The following GRIPAP1 variants were observed in gnomAD, a reference collection of about 807,000 sequenced individuals.
The protein encoded by GRIPAP1 is GRIP1 associated protein 1.
In GRIPAP1, 14 loss-of-function variants were observed where a neutral mutation model predicts 84.1. That is an observed-to-expected ratio of 0.17 (90% CI 0.11 to 0.26). The LOEUF is 0.26. GRIPAP1 is among the 10% of genes least tolerant of loss of function. GRIPAP1 has a pLI of 1.00. For synonymous variants in GRIPAP1, 261 were observed against 256.8 expected (o/e 1.02, Z -0.15); for missense variants, 518 against 674.2 (o/e 0.77, Z 2.57).
chrX:48,999,182 A>G, intron 3 of GRIPAP1, 56 bp downstream of exon 3: 1 of 900,720 alleles, frequency 1.1e-6, no homozygotes, highest in Non-Finnish European at 1.6e-6. Flanking sequence ...TGAATGAGTC[A>G]GATAGGTAGA....
chrX:48,975,651 G>A (rs931219597), intron 24 of GRIPAP1: 13 of 324,168 alleles, frequency 4.0e-5, no homozygotes, highest in African/African-American at 3.2e-4. Context: ...CAAAAGCAAT[G>A]AAGATACAGA....
intron 14 of GRIPAP1, among the ~76,000 whole-genome samples, chrX:48,984,572 G>A (rs377760463): frequency 5.5e-5 from 6 of 108,459 alleles, no homozygotes; most frequent in African/African-American, 2.0e-4. Flanking sequence ...AAAATTAGCT[G>A]GGCGTGGTGC....
At chrX:48,983,473 T>A (rs781879745) in intron 15 of GRIPAP1, 33 bp from the exon 16 acceptor site, 29 of 1,138,757 alleles carry the variant, frequency 2.5e-5, no homozygotes, top group Non-Finnish European at 2.9e-5. Flanking sequence ...TCAACTTCCT[T>A]CCACAACATC....
rs2064581259 is a variant in GRIPAP1 at position 49,001,676 on chromosome X, G to A, written c.42+512C>T. Reference sequence around the variant, plus strand: ...AATGGCACAGGATCTCCACCTCCCAGGAACAATGACAACATCTGGGGTCTT... The same window carrying A: ...AATGGCACAGGATCTCCACCTCCCAAGAACAATGACAACATCTGGGGTCTT... On this transcript the variant is annotated intron_variant, in intron 1 of 25. Transcript: ENST00000376423. Among the ~76,000 whole-genome samples, 4 of 109,945 alleles carry A rather than the reference G, an allele frequency of 3.6e-5. No homozygotes were observed. In the Admixed American group the frequency reaches 3.9e-4, roughly 11 times the overall value.
At chrX:48,974,742 G>A (rs1316261206) in intron 25 of GRIPAP1, among the ~76,000 whole-genome samples, 1 of 111,847 alleles carries the variant, frequency 8.9e-6, no homozygotes, top group Non-Finnish European at 1.9e-5. Context: ...TTGTCCAGAG[G>A]ACAGATGGAG....
intron 6 of GRIPAP1, among the ~76,000 whole-genome samples, chrX:48,991,788 C>A (rs782727480): frequency 1.3e-4 from 14 of 110,083 alleles, no homozygotes; most frequent in African/African-American, 3.9e-4. Flanking sequence ...TGCAGTGAGC[C>A]GCGATCGAGC....
intron 22 of GRIPAP1, 178 bp downstream of exon 22, chrX:48,978,127 G>A (rs1422473974): frequency 2.3e-6 from 1 of 438,664 alleles, no homozygotes; most frequent in Non-Finnish European, 4.0e-6. Flanking sequence ...AGAATGACTG[G>A]CCTGTCCTGC....
At chrX:48,986,134 G>C (rs1388349510) in intron 13 of GRIPAP1, among the ~76,000 whole-genome samples, 6 of 107,272 alleles carry the variant, frequency 5.6e-5, no homozygotes, top group African/African-American at 2.0e-4. Context: ...CCAGCTATTT[G>C]GGAGGGCTGA....
intron 24 of GRIPAP1, 55 bp downstream of exon 24, chrX:48,975,963 G>A (rs2064420206): frequency 4.1e-6 from 4 of 984,557 alleles, no homozygotes; most frequent in South Asian, 3.9e-5. Flanking sequence ...AGAATGGAGA[G>A]GGAGGGCCAG....
In GRIPAP1 at chrX:48,989,615, T is replaced by C. The variant is rs200861777; in HGVS notation, c.866A>G (p.Asn289Ser). The change falls in exon 11 of 26, where the codon AAT becomes AGT. Residue 289 changes from asparagine to serine, a missense_variant. Coordinates refer to ENST00000376423, the MANE Select transcript of GRIPAP1 (RefSeq NM_020137.5). ...TCAGAACCCAGTCCCCATCACCTGA[T>C]TGGCAGCCTCAAGTTCCTGCTGCAG... is the stretch of plus-strand genomic sequence containing the variant. ...QKLQQELEAA[N>S]QSLAELRDQR... 2 of 1,177,641 alleles carry C rather than the reference T, an allele frequency of 1.7e-6. No individual in the cohort carries two copies. The highest frequency in any genetic ancestry group is 1.8e-5 in the African/African-American group (1 of 56,576).
At position 48,981,598 on chromosome X, in the gene GRIPAP1, G is replaced by C. The variant is rs1569519414; in HGVS notation, c.1771C>G (p.Gln591Glu). The C allele has an allele frequency of 8.4e-7, 1 of 1,197,082 alleles. No homozygotes were observed. Among genetic ancestry groups the C allele is most frequent in the Non-Finnish European group, 1.1e-6 (1 of 882,324 alleles). The change falls in exon 19 of 26, where the codon CAG becomes GAG. Residue 591 changes from glutamine to glutamate, a missense_variant and splice_region_variant. Gln to Glu is a conservative substitution (Grantham distance 29, BLOSUM62 2). Around this residue, in one of 5 missense-constraint regions of GRIPAP1, gnomAD observed 18 missense variants for 44.8 expected, o/e 0.40. Transcript: ENST00000376423. ...GGGGCTGTGCAGTGACCACTGACCT[G>C]CTTCAGGCTGCTAATGGTCTTCAGG... ...CHLKTISSLK[Q>E]EVKDTVDGQR...
intron 5 of GRIPAP1, among the ~76,000 whole-genome samples, chrX:48,995,699 G>A (rs935076165): frequency 9.1e-6 from 1 of 110,369 alleles, no homozygotes; most frequent in Non-Finnish European, 1.9e-5. Context: ...GGGTTCAAGC[G>A]ATTCTCCTGC....
intron 6 of GRIPAP1, among the ~76,000 whole-genome samples, chrX:48,991,737 G>T (rs1235954896): frequency 8.9e-6 from 1 of 111,862 alleles, no homozygotes; most frequent in African/African-American, 3.2e-5. Flanking sequence ...CTACTCGTGG[G>T]GCTGAGGCAG....
In GRIPAP1 at chrX:48,988,605, A is replaced by G. The variant is rs782215442; in HGVS notation, c.871-407T>C. ...AGTTTCACCCAGCCTCCCAATCCCA[A>G]CCACCAGGGGTTTCAGACACACTCA... On this transcript the variant is annotated intron_variant, in intron 11 of 25. Coordinates refer to ENST00000376423, the MANE Select transcript of GRIPAP1 (RefSeq NM_020137.5). 9 of 149,118 alleles carry G rather than the reference A, an allele frequency of 6.0e-5. No individual in the cohort carries two copies. In the East Asian group the frequency reaches 1.5e-3, roughly 24 times the overall value. 12.3% of individuals were successfully genotyped at this position (149,118 alleles called of 1,213,427 possible). A position where few individuals can be genotyped will look rare whatever the true frequency, so the allele number is the denominator to read the frequency against.
At chrX:48,974,419 A>G (rs2064411703) in intron 25 of GRIPAP1, 134 bp from the exon 26 acceptor site, 1 of 463,217 alleles carries the variant, frequency 2.2e-6, no homozygotes. Flanking sequence ...CTGGGATGAG[A>G]AGGTACTTGG....
Position 48,974,035 on chromosome X carries a change from AG to A in GRIPAP1, c.*157del. Reference sequence around the variant, plus strand: ...TCCCTGGTGGCCTCTGCCCTAAGACAGGATCATTAACACTAACCATCAGGCC... The same window carrying A: ...TCCCTGGTGGCCTCTGCCCTAAGACAGATCATTAACACTAACCATCAGGCC... On this transcript the variant is annotated 3_prime_UTR_variant, in exon 26 of 26. Coordinates refer to ENST00000376423, the MANE Select transcript of GRIPAP1 (RefSeq NM_020137.5). 5 of 415,093 alleles carry A rather than the reference AG, an allele frequency of 1.2e-5. No individual in the cohort carries two copies. The highest frequency in any genetic ancestry group is 2.1e-5 in the Non-Finnish European group (5 of 234,147). 34.2% of individuals were successfully genotyped at this position (415,093 alleles called of 1,213,427 possible).
chrX:48,980,091 G>A (rs2064447388), intron 21 of GRIPAP1, among the ~76,000 whole-genome samples: 1 of 111,020 alleles, frequency 9.0e-6, no homozygotes, highest in Admixed American at 9.7e-5. Context: ...TAGGTATCCC[G>A]AGTGGGGGAA....
chrX:48,997,783 G>C lies in GRIPAP1; in HGVS notation c.198+371C>G, dbSNP rs1436912681. ...AAAAGAAATGAGTTAGGAAGAGAGA[G>C]GAATGGGGTGGAAGAAACAAGGAGT... is the stretch of plus-strand genomic sequence containing the variant. On this transcript the variant is annotated intron_variant, in intron 4 of 25. Transcript: ENST00000376423. Among the ~76,000 whole-genome samples the C allele has an allele frequency of 2.8e-5, 3 of 107,789 alleles. No individual in the cohort carries two copies. In the East Asian group the frequency reaches 8.8e-4, roughly 31 times the overall value. The allele number at this position is 107,789 out of a possible 115,157, so 93.6% of individuals were successfully genotyped here. A position where few individuals can be genotyped will look rare whatever the true frequency, so the allele number is the denominator to read the frequency against.
At chrX:48,998,240 G>A (rs1442336937) in intron 3 of GRIPAP1, 60 bp from the exon 4 acceptor site, 2 of 854,962 alleles carry the variant, frequency 2.3e-6, no homozygotes, top group Non-Finnish European at 3.4e-6. Flanking sequence ...GCCTTACTAG[G>A]ATATGGAGAC....
Sources: allele counts gnomAD v4.1 joint callset (sites outside exome capture counted in the v4.1 genomes callset), GRCh38; gene constraint gnomAD v4.1.1; regional missense constraint gnomAD v4.1.1; transcripts MANE v1.5; gene names NCBI Gene and HGNC (gene_info 2026-07-23, HGNC 2026-07-21).